The following CATSPERE variants were observed in gnomAD, a reference collection of about 807,000 sequenced individuals.
CATSPERE encodes the protein catsper channel auxiliary subunit epsilon.
A neutral mutation model predicts 114.1 loss-of-function variants in CATSPERE; 93 were observed. The ratio of observed to expected loss-of-function variants is 0.81; its 90% CI spans 0.69 to 0.97. CATSPERE has a LOEUF of 0.97. Ranked by LOEUF, CATSPERE falls within the 50% of genes least tolerant of loss-of-function variation. The pLI, the probability that CATSPERE is intolerant of heterozygous loss-of-function variation, is 0.00. For synonymous variants in CATSPERE, 341 were observed against 384.1 expected (o/e 0.89, Z 1.31); for missense variants, 1,058 against 1,131.6 (o/e 0.93, Z 0.93).
At chr1:244,469,503 A>G (rs1263126605) in intron 2 of CATSPERE, among the ~76,000 whole-genome samples, 2 of 152,086 alleles carry the variant, frequency 1.3e-5, no homozygotes, top group Non-Finnish European at 2.9e-5. Context: ...AAATGATAAG[A>G]CTCTTTTTAA....
intron 7 of CATSPERE, among the ~76,000 whole-genome samples, chr1:244,499,391 A>C (rs919614960): frequency 1.3e-5 from 2 of 152,090 alleles, no homozygotes; most frequent in Non-Finnish European, 2.9e-5. Flanking sequence ...TTTGTCACAT[A>C]GGTATACATG....
intron 17 of CATSPERE, chr1:244,598,668 C>T (rs889761456): frequency 2.7e-5 from 7 of 259,716 alleles, no homozygotes; most frequent in African/African-American, 1.6e-4. Context: ...AACACTTTTG[C>T]TTTTTTCAAC....
intron 10 of CATSPERE, among the ~76,000 whole-genome samples, chr1:244,565,764 A>G (rs544398274): frequency 6.6e-6 from 1 of 151,792 alleles, no homozygotes; most frequent in Non-Finnish European, 1.5e-5. Context: ...TTCAAGATTC[A>G]TAGATTCTTT....
intron 9 of CATSPERE, among the ~76,000 whole-genome samples, chr1:244,559,025 C>T (rs1463751555): frequency 2.0e-5 from 3 of 152,208 alleles, no homozygotes; most frequent in Non-Finnish European, 2.9e-5. Flanking sequence ...TTGAATGCTT[C>T]AAAAGGATCT....
chr1:244,532,445 T>C (rs538661783), intron 8 of CATSPERE, among the ~76,000 whole-genome samples: 3 of 152,292 alleles, frequency 2.0e-5, no homozygotes, highest in South Asian at 2.1e-4. Flanking sequence ...TAGGCACTTA[T>C]AGCTATAAAC....
intron 20 of CATSPERE, among the ~76,000 whole-genome samples, chr1:244,628,913 C>G (rs1673542425): frequency 6.6e-6 from 1 of 152,194 alleles, no homozygotes; most frequent in Non-Finnish European, 1.5e-5. Flanking sequence ...ATCCCAAGAC[C>G]AGTTCTGTAC....
chr1:244,490,193 T>C (rs1213658128), intron 5 of CATSPERE, among the ~76,000 whole-genome samples: 1 of 152,114 alleles, frequency 6.6e-6, no homozygotes, highest in Non-Finnish European at 1.5e-5. Context: ...GTTTTGGTGA[T>C]GTTATTGAGG....
At chr1:244,527,258 A>T (rs1678787071) in intron 8 of CATSPERE, among the ~76,000 whole-genome samples, 1 of 152,162 alleles carries the variant, frequency 6.6e-6, no homozygotes, top group Non-Finnish European at 1.5e-5. Context: ...CTGCAACCGT[A>T]AAAGAGAGCC....
intron 17 of CATSPERE, among the ~76,000 whole-genome samples, chr1:244,597,616 A>G (rs1668628781): frequency 7.0e-6 from 1 of 143,026 alleles, no homozygotes; most frequent in South Asian, 2.2e-4. Context: ...ATAATTTCGT[A>G]TATAGCTCCT....
Position 244,633,865 on chromosome 1 carries a change from ATT to A in CATSPERE, c.2649-1608_2649-1607del, listed in dbSNP as rs35307647. Among the ~76,000 whole-genome samples, 6 of 133,660 alleles carry A rather than the reference ATT, an allele frequency of 4.5e-5. No homozygotes were observed. Among genetic ancestry groups the A allele is most frequent in the Admixed American group, 7.6e-5 (1 of 13,230 alleles). The allele number at this position is 133,660 out of a possible 152,430, so 87.7% of individuals were successfully genotyped here. ...CCTGTGACAGGTGTCTACATCACTCATTTTTTTTTTTTTTTTTGAGACGGAGC... is the reference window on the plus strand; with the variant it reads ...CCTGTGACAGGTGTCTACATCACTCATTTTTTTTTTTTTTTGAGACGGAGC... On this transcript the variant is annotated intron_variant, in intron 20 of 21. Transcript: ENST00000366534. This position sits in a 1 kb window ranked among gnomAD's most constrained non-coding sequence, Gnocchi z 4.1.
chr1:244,596,448 C>A (rs1427877465), intron 17 of CATSPERE, among the ~76,000 whole-genome samples: 2 of 152,196 alleles, frequency 1.3e-5, no homozygotes, highest in South Asian at 2.1e-4. Context: ...ATCTTGAATT[C>A]TTTCCTGAGT....
chr1:244,459,863 A>G (rs770417821), upstream of CATSPERE, among the ~76,000 whole-genome samples: 27 of 152,232 alleles, frequency 1.8e-4, no homozygotes, highest in Non-Finnish European at 3.1e-4. Context: ...CCAGGCCTGC[A>G]TGAGTTGCTC....
At position 244,640,158 on chromosome 1, in the gene CATSPERE, T is replaced by C. The variant is rs546627043; in HGVS notation, c.*77T>C. On this transcript the variant is annotated 3_prime_UTR_variant, in exon 22 of 22. Transcript: ENST00000366534. ...ATTACATAGTGATATTGAGAGTGTG[T>C]GTTTGACCAAGAAATACTAAATATA... The C allele has an allele frequency of 1.3e-4, 155 of 1,186,294 alleles. 1 individual carries two copies. In the Middle Eastern group the frequency reaches 4.0e-3, roughly 30 times the overall value. 73.5% of individuals were successfully genotyped at this position (1,186,294 alleles called of 1,614,324 possible).
At position 244,572,528 on chromosome 1, in the gene CATSPERE, A is replaced by G. The variant is rs2148577211; in HGVS notation, c.1706A>G (p.His569Arg). Reference protein sequence around the residue: ...GTIQIQDYPLHLEAQSIAFTT... With the variant: ...GTIQIQDYPLRLEAQSIAFTT... ...ATACAAATACAGGACTATCCCTTAC[A>G]TCTGGAAGCACAAAGTATAGCTTTC... The change falls in exon 11 of 22, where the codon CAT becomes CGT. Residue 569 changes from histidine (H) to arginine (R), a missense_variant. By Grantham distance (29) the His-to-Arg change is conservative (BLOSUM62 0). Around this residue, in one of 2 missense-constraint regions of CATSPERE, gnomAD observed 787 missense variants for 905.6 expected, o/e 0.87. Transcript: ENST00000366534. 6.2e-7 allele frequency: 1 copy of G among 1,614,062 alleles called. No individual in the cohort carries two copies. Among genetic ancestry groups the G allele is most frequent in the African/African-American group, 1.3e-5 (1 of 75,056 alleles).
At chr1:244,638,275 G>T (rs758467548) in intron 21 of CATSPERE, among the ~76,000 whole-genome samples, 1 of 152,122 alleles carries the variant, frequency 6.6e-6, no homozygotes, top group Non-Finnish European at 1.5e-5. Context: ...AATAGCTTTG[G>T]CCTTCATGGA....
rs1484286802 is a variant in CATSPERE, at chr1:244,524,497, TTAAAC to T, written c.536+5804_536+5808del. On this transcript the variant is annotated intron_variant, in intron 8 of 21. Coordinates refer to ENST00000366534, the MANE Select transcript of CATSPERE (RefSeq NM_001130957.2). ...GACAAAATTGACAAATGGGATGTAA[TTAAAC>T]TAAAGAGCTTCTGCACAGCAAAAGA... is the stretch of plus-strand genomic sequence containing the variant. Among the ~76,000 whole-genome samples the T allele has an allele frequency of 4.6e-3, 702 of 151,110 alleles. 8 individuals are homozygous for T. Among genetic ancestry groups the T allele is most frequent in the African/African-American group, 0.017 (676 of 40,944 alleles).
At chr1:244,599,475 A>G (rs1321725421) in intron 17 of CATSPERE, among the ~76,000 whole-genome samples, 1 of 152,088 alleles carries the variant, frequency 6.6e-6, no homozygotes. Context: ...GGGTCTATCT[A>G]TTTGTCAATG....
intron 8 of CATSPERE, among the ~76,000 whole-genome samples, chr1:244,524,645 A>G (rs1489854989): frequency 6.6e-6 from 1 of 151,852 alleles, no homozygotes; most frequent in African/African-American, 2.4e-5. Context: ...TTTACAAGAA[A>G]AAAACAAACA....
chr1:244,582,532 AG>A (rs1666344621), intron 12 of CATSPERE, among the ~76,000 whole-genome samples: 3 of 151,706 alleles, frequency 2.0e-5, no homozygotes, highest in Admixed American at 2.0e-4. Context: ...CCTCCCGAGT[AG>A]CTGGGATTAC....
Sources: allele counts gnomAD v4.1 joint callset (sites outside exome capture counted in the v4.1 genomes callset), GRCh38; gene constraint gnomAD v4.1.1; regional missense constraint gnomAD v4.1.1; non-coding constraint Gnocchi (gnomAD v3.1); transcripts MANE v1.5; gene names NCBI Gene and HGNC (gene_info 2026-07-23, HGNC 2026-07-21).